Variants in ITSN2 observed in about 807,000 individuals in gnomAD.
ITSN2 encodes the protein intersectin-2.
A neutral mutation model predicts 243.7 loss-of-function variants in ITSN2; 156 were observed. The observed-to-expected ratio is 0.64, with a 90% CI of 0.56 to 0.73. The LOEUF (loss-of-function observed/expected upper bound fraction) is 0.73, where lower values mean the gene tolerates loss of function less well. Among genes scored for constraint, ITSN2 ranks in the 30% least tolerant of loss-of-function variants. The pLI, the probability that ITSN2 is intolerant of heterozygous loss-of-function variation, is 0.00. For missense variants in ITSN2, 1,801 were observed against 1,996.1 expected, an observed-to-expected ratio of 0.90 and a Z score of 1.86; for synonymous variants, 703 against 699.9, an observed-to-expected ratio of 1.00 and a Z score of -0.07.
chr2:24,234,925 G>A (rs1671990715), intron 29 of ITSN2, among the ~76,000 whole-genome samples: 1 of 152,204 alleles, frequency 6.6e-6, no homozygotes. Context: ...CACTTTGGAA[G>A]ACAGTTTGCC....
Position 24,308,702 on chromosome 2 carries a change from T to G in ITSN2, c.708A>C (p.Ser236=). Residue 236 remains serine, a synonymous_variant, in exon 8 of 40, where the codon TCA becomes TCC. Coordinates refer to ENST00000355123, the MANE Select transcript of ITSN2 (RefSeq NM_006277.3). ...TTGTAGGCTGAGGAACTGCCCACTC[T>G]GAGGTCCCAGTCTTGGGTGAGTTCC... ...LSGNSPKTGT[S]EWAVPQPTRL... is the part of the protein sequence containing the mutation. 1.3e-6 allele frequency: 2 copies of G among 1,531,150 alleles called. No individual in the cohort carries two copies. The highest frequency in any genetic ancestry group is 1.4e-5 in the African/African-American group (1 of 72,650). 94.8% of individuals were successfully genotyped at this position (1,531,150 alleles called of 1,614,324 possible).
intron 18 of ITSN2, among the ~76,000 whole-genome samples, chr2:24,274,162 T>C (rs2151477660): frequency 6.6e-6 from 1 of 152,334 alleles, no homozygotes; most frequent in Non-Finnish European, 1.5e-5. Context: ...CTCCCTTATG[T>C]AATTAAGTGG....
chr2:24,286,359 A>G lies in ITSN2; in HGVS notation c.1724-8T>C, dbSNP rs1679508841. 1 of 1,609,564 alleles carries G rather than the reference A, an allele frequency of 6.2e-7. No homozygotes were observed. Among genetic ancestry groups the G allele is most frequent in the Non-Finnish European group, 8.5e-7 (1 of 1,177,688 alleles). On this transcript the variant is annotated splice_region_variant and splice_polypyrimidine_tract_variant and intron_variant, in intron 15 of 39. Transcript: ENST00000355123. ...GTAAACTGACCCCTGAATCTGAAAA[A>G]CAAACATCAGACAGTTTACATTTTG...
intron 15 of ITSN2, among the ~76,000 whole-genome samples, chr2:24,288,769 A>T (rs1387856768): frequency 6.6e-6 from 1 of 152,148 alleles, no homozygotes; most frequent in Admixed American, 6.5e-5. Context: ...TCTTGAACTT[A>T]TTCCTCCTAT....
intron 37 of ITSN2, chr2:24,206,309 T>C (rs1445000917): frequency 7.3e-6 from 3 of 408,218 alleles, no homozygotes; most frequent in Non-Finnish European, 1.5e-5. Flanking sequence ...GCTGCAACTA[T>C]AGCAGCCAGG....
intron 17 of ITSN2, among the ~76,000 whole-genome samples, chr2:24,280,102 T>G (rs190578184): frequency 5.3e-5 from 8 of 152,342 alleles, no homozygotes; most frequent in African/African-American, 1.9e-4. Context: ...TGGCTTTGTC[T>G]TAGTATAACT....
chr2:24,286,180 A>G, intron 16 of ITSN2, 32 bp downstream of exon 16: 2 of 1,341,590 alleles, frequency 1.5e-6, no homozygotes, highest in Non-Finnish European at 2.1e-6. Flanking sequence ...GAAGGCAGTT[A>G]CCTAAAAATA....
chr2:24,334,627 G>C, intron 1 of ITSN2: 1 of 1,200,866 alleles, frequency 8.3e-7, no homozygotes, highest in Admixed American at 1.7e-5. Context: ...CAGGGAAAGT[G>C]GTGTTATACA....
intron 1 of ITSN2, among the ~76,000 whole-genome samples, chr2:24,354,445 A>G (rs1176140288): frequency 1.3e-5 from 2 of 152,242 alleles, no homozygotes; most frequent in Non-Finnish European, 2.9e-5. Flanking sequence ...AGACCAAAAT[A>G]AGAACTATGT....
In ITSN2 at chr2:24,295,814, G is replaced by T. The variant is rs771992707; in HGVS notation, c.1495-10C>A. 1 of 1,508,132 alleles carries T rather than the reference G, an allele frequency of 6.6e-7. No homozygotes were observed. The highest frequency in any genetic ancestry group is 2.5e-5 in the Admixed American group (1 of 39,648). The allele number at this position is 1,508,132 out of a possible 1,614,324, so 93.4% of individuals were successfully genotyped here. ...GCTGATGTTTGCCATTCTATAGGAAGATCATATAAATATATAGTAACATAA... is the reference window on the plus strand; with the variant it reads ...GCTGATGTTTGCCATTCTATAGGAATATCATATAAATATATAGTAACATAA... On this transcript the variant is annotated splice_polypyrimidine_tract_variant and intron_variant, in intron 13 of 39. Transcript: ENST00000355123.
chr2:24,295,255 C>A (rs1680792081), intron 14 of ITSN2, among the ~76,000 whole-genome samples: 1 of 152,124 alleles, frequency 6.6e-6, no homozygotes, highest in African/African-American at 2.4e-5. Context: ...ACAAGCCTAT[C>A]AAAGACTCAA....
intron 1 of ITSN2, among the ~76,000 whole-genome samples, chr2:24,334,213 C>T (rs1452310045): frequency 5.3e-5 from 8 of 152,086 alleles, no homozygotes; most frequent in African/African-American, 1.9e-4. Context: ...TGCCCAGCAC[C>T]GCGCCCAGCT....
intron 35 of ITSN2, 29 bp from the exon 36 acceptor site, chr2:24,209,250 T>C: frequency 1.9e-6 from 3 of 1,612,564 alleles, no homozygotes; most frequent in Non-Finnish European, 2.5e-6. Flanking sequence ...AAACACAGGC[T>C]GTGAGATGGG....
chr2:24,263,636 T>C (rs1676208354), intron 20 of ITSN2, among the ~76,000 whole-genome samples: 1 of 152,170 alleles, frequency 6.6e-6, no homozygotes. Context: ...TCCTATATAT[T>C]AGTTTACATT....
chr2:24,313,539 ACAAAACC>A lies in ITSN2; in HGVS notation c.125-23_125-17del, dbSNP rs1171331047. 6.2e-7 allele frequency: 1 copy of A among 1,602,848 alleles called. No individual in the cohort carries two copies. Among genetic ancestry groups the A allele is most frequent in the Non-Finnish European group, 8.5e-7 (1 of 1,170,910 alleles). On this transcript the variant is annotated splice_polypyrimidine_tract_variant and intron_variant, in intron 3 of 39. Transcript: ENST00000355123. Reference sequence around the variant, plus strand: ...GCTTGATCACCTGGAGGTAATAAAAACAAAACCCAAGCAGCACATTAGTAAATGAAAT... The same window carrying A: ...GCTTGATCACCTGGAGGTAATAAAAACAAGCAGCACATTAGTAAATGAAAT...
chr2:24,229,311 G>A (rs7589373), intron 29 of ITSN2, among the ~76,000 whole-genome samples: 126,674 of 152,068 alleles, frequency 0.83, 53,639 homozygotes, highest in East Asian at 0.92. Flanking sequence ...CAGGCTGGGC[G>A]TGCTGGCTCA....
At chr2:24,306,209 A>AC (rs1188482053) in intron 8 of ITSN2, among the ~76,000 whole-genome samples, 1 of 152,010 alleles carries the variant, frequency 6.6e-6, no homozygotes, top group African/African-American at 2.4e-5. Context: ...CAAACTCCTG[A>AC]CCTCAAGTGA....
chr2:24,309,259 C>A (rs1303383051), intron 7 of ITSN2, among the ~76,000 whole-genome samples: 23 of 152,172 alleles, frequency 1.5e-4, no homozygotes, highest in Non-Finnish European at 2.9e-5. Context: ...GTGGCACAAT[C>A]CTGGATCACT....
At chr2:24,275,923 T>G (rs1677953531) in intron 17 of ITSN2, 74 bp from the exon 18 acceptor site, 1 of 1,095,844 alleles carries the variant, frequency 9.1e-7, no homozygotes, top group Non-Finnish European at 1.3e-6. Flanking sequence ...ATGTGGCATT[T>G]GCATTAAAAG....
Sources: gnomAD v4.1 joint callset for allele counts (sites outside exome capture counted in the v4.1 genomes callset) on GRCh38, gnomAD v4.1.1 for gene constraint, MANE v1.5 for transcripts, NCBI Gene and HGNC (gene_info 2026-07-23, HGNC 2026-07-21) for gene names.